The following ADAMTS18 variants were observed in gnomAD, a reference collection of about 807,000 sequenced individuals.
The protein encoded by ADAMTS18 is A disintegrin and metalloproteinase with thrombospondin motifs 18.
A neutral mutation model predicts 165.9 loss-of-function variants in ADAMTS18; 157 were observed. The observed-to-expected ratio is 0.95, with a 90% CI of 0.83 to 1.08. ADAMTS18 has a LOEUF of 1.08. Ranked by LOEUF, ADAMTS18 falls within the 50% of genes least tolerant of loss-of-function variation. The pLI, the probability that ADAMTS18 is intolerant of heterozygous loss-of-function variation, is 0.00. For synonymous variants in ADAMTS18, 782 were observed against 578.2 expected, an observed-to-expected ratio of 1.35 and a Z score of -5.06; for missense variants, 2,040 against 1,534.0, an observed-to-expected ratio of 1.33 and a Z score of -5.51.
At chr16:77,388,013 T>C (rs1400348299) in intron 3 of ADAMTS18, among the ~76,000 whole-genome samples, 1 of 152,154 alleles carries the variant, frequency 6.6e-6, no homozygotes, top group Non-Finnish European at 1.5e-5. Flanking sequence ...TTTCCACTGT[T>C]CTTTAAACCA....
At chr16:77,355,158 C>G (rs1052094526) in intron 9 of ADAMTS18, among the ~76,000 whole-genome samples, 18 of 150,834 alleles carry the variant, frequency 1.2e-4, no homozygotes, top group African/African-American at 4.4e-4. Flanking sequence ...ATGGGATTAG[C>G]ATCTAAGTGT....
chr16:77,328,796 C>T (rs2056138295), intron 12 of ADAMTS18, among the ~76,000 whole-genome samples: 1 of 152,168 alleles, frequency 6.6e-6, no homozygotes, highest in Non-Finnish European at 1.5e-5. Context: ...GTTACTTTAT[C>T]GACTTATAGA....
At chr16:77,317,937 T>A (rs1449767024) in intron 16 of ADAMTS18, among the ~76,000 whole-genome samples, 2 of 152,200 alleles carry the variant, frequency 1.3e-5, no homozygotes, top group Non-Finnish European at 2.9e-5. Context: ...ATCACTAATC[T>A]GACCAAAATA....
intron 3 of ADAMTS18, among the ~76,000 whole-genome samples, chr16:77,405,083 A>T (rs1157404274): frequency 6.6e-6 from 1 of 152,216 alleles, no homozygotes; most frequent in Non-Finnish European, 1.5e-5. Flanking sequence ...CTCTGACTAA[A>T]GGTGACATTA....
At chr16:77,308,451 A>G (rs1051842778) in intron 16 of ADAMTS18, among the ~76,000 whole-genome samples, 4 of 151,488 alleles carry the variant, frequency 2.6e-5, no homozygotes. Flanking sequence ...AGACAAAGAG[A>G]CAGAGAAAGA....
chr16:77,342,817 C>T (rs992680537), intron 10 of ADAMTS18, among the ~76,000 whole-genome samples: 2 of 152,162 alleles, frequency 1.3e-5, no homozygotes, highest in African/African-American at 4.8e-5. Flanking sequence ...AATGGAGAGG[C>T]AGAGACTGTC....
intron 14 of ADAMTS18, 81 bp downstream of exon 14, chr16:77,322,255 C>G (rs533355553): frequency 2.0e-6 from 3 of 1,521,618 alleles, no homozygotes; most frequent in African/African-American, 1.4e-5. Flanking sequence ...CACACAATCT[C>G]TCACACCACT....
intron 12 of ADAMTS18, among the ~76,000 whole-genome samples, chr16:77,327,059 T>C (rs1313644276): frequency 6.6e-6 from 1 of 152,244 alleles, no homozygotes. Context: ...TAGTATTCCA[T>C]GGTGCATATG....
intron 3 of ADAMTS18, 91 bp from the exon 4 acceptor site, chr16:77,367,814 G>A (rs1198324238): frequency 1.4e-6 from 2 of 1,465,536 alleles, no homozygotes; most frequent in East Asian, 2.3e-5. Flanking sequence ...ACTAATTCCT[G>A]TATGTGGGCA....
At chr16:77,412,949 C>T (rs925618600) in intron 3 of ADAMTS18, among the ~76,000 whole-genome samples, 5 of 152,102 alleles carry the variant, frequency 3.3e-5, no homozygotes, top group East Asian at 3.9e-4. Flanking sequence ...CTCCCGCCTC[C>T]GTCTTTGAAA....
At chr16:77,408,345 C>G (rs1033709683) in intron 3 of ADAMTS18, among the ~76,000 whole-genome samples, 1 of 152,000 alleles carries the variant, frequency 6.6e-6, no homozygotes, top group African/African-American at 2.4e-5. Flanking sequence ...AATTCCATTT[C>G]TAGATAAATA....
At chr16:77,356,211 G>A in intron 8 of ADAMTS18, 134 bp from the exon 9 acceptor site, 1 of 1,185,532 alleles carries the variant, frequency 8.4e-7, no homozygotes, top group Non-Finnish European at 1.2e-6. Context: ...CTGGAAAAGA[G>A]AAAGGCAAAT....
intron 3 of ADAMTS18, among the ~76,000 whole-genome samples, chr16:77,378,353 A>C (rs202223095): frequency 0.42 from 23,708 of 56,348 alleles, 2,950 homozygotes; most frequent in East Asian, 0.63. Context: ...AAAAAAACAA[A>C]AAAAAAAAAA....
intron 3 of ADAMTS18, among the ~76,000 whole-genome samples, chr16:77,400,479 TGTTTTG>T (rs2057315279): frequency 8.5e-6 from 1 of 117,842 alleles, no homozygotes; most frequent in African/African-American, 2.9e-5. Context: ...TGTGTGTGTG[TGTTTTG>T]TTTTTTTTTT....
intron 15 of ADAMTS18, 50 bp from the exon 16 acceptor site, chr16:77,320,143 A>G (rs1464277023): frequency 5.6e-6 from 9 of 1,611,204 alleles, no homozygotes; most frequent in Non-Finnish European, 7.6e-6. Context: ...TGCATTGGAG[A>G]AAAGGGACTA....
rs1031390555 is a variant in ADAMTS18, at chr16:77,282,838, A to G, written c.*1118T>C. 6.6e-6 allele frequency: 1 copy of G among 150,752 alleles called. No homozygotes were observed. The highest frequency in any genetic ancestry group is 1.5e-5 in the Non-Finnish European group (1 of 67,690). The allele number at this position is 150,752 out of a possible 1,614,324, so 9.3% of individuals were successfully genotyped here. On this transcript the variant is annotated 3_prime_UTR_variant, in exon 23 of 23. Transcript: ENST00000282849. ...TGAGGGTCTTGTCATATTATGATTT[A>G]TTAATATTAACATAGCAAGAAGACA...
At position 77,322,398 on chromosome 16, in the gene ADAMTS18, C is replaced by T; in HGVS notation, c.2101G>A (p.Val701Met). ...FEFFFAMSGK[V>M]KDGTPCSPNK... ...GGGGAGCAGGGAGTTCCATCTTTCA[C>T]TTTGCCGGACATTGCAAAAAAAAAT... Residue 701 changes from valine (V) to methionine (M), a missense_variant, in exon 14 of 23, where the codon GTG (valine) becomes ATG (methionine). Transcript: ENST00000282849. The T allele has an allele frequency of 6.2e-7, 1 of 1,614,012 alleles. No homozygotes were observed. Among genetic ancestry groups the T allele is most frequent in the Non-Finnish European group, 8.5e-7 (1 of 1,179,980 alleles).
chr16:77,363,731 A>G, intron 6 of ADAMTS18, 71 bp downstream of exon 6: 1 of 1,412,008 alleles, frequency 7.1e-7, no homozygotes, highest in African/African-American at 1.4e-5. Context: ...ATTAGTGAAC[A>G]CAGTAGGTGT....
At chr16:77,415,358 A>T (rs973472133) in intron 3 of ADAMTS18, among the ~76,000 whole-genome samples, 9 of 152,216 alleles carry the variant, frequency 5.9e-5, no homozygotes, top group Non-Finnish European at 1.3e-4. Flanking sequence ...ATTAACAGAA[A>T]AGTGGAGAGG....
Sources: allele counts gnomAD v4.1 joint callset (sites outside exome capture counted in the v4.1 genomes callset), GRCh38; gene constraint gnomAD v4.1.1; transcripts MANE v1.5; gene names NCBI Gene and HGNC (gene_info 2026-07-23, HGNC 2026-07-21).